Variants in RSRP1 observed in about 807,000 individuals in gnomAD.
RSRP1 encodes the protein arginine and serine rich protein 1, also known as arginine/serine-rich protein 1.
Under a neutral mutation model 33.0 loss-of-function variants are expected in RSRP1, and 37 were observed. The ratio of observed to expected loss-of-function variants is 1.12; its 90% CI spans 0.86 to 1.48. RSRP1 has a LOEUF of 1.48. RSRP1 is among the 40% of genes most tolerant of loss of function. The pLI, the probability that RSRP1 is intolerant of heterozygous loss-of-function variation, is 0.00. For missense variants in RSRP1, 402 were observed against 385.3 expected, an observed-to-expected ratio of 1.04 and a Z score of -0.36; for synonymous variants, 167 against 158.7, an observed-to-expected ratio of 1.05 and a Z score of -0.40.
intron 1 of RSRP1, among the ~76,000 whole-genome samples, chr1:25,289,346 C>T (rs1350825871): frequency 7.9e-6 from 1 of 127,144 alleles, no homozygotes; most frequent in African/African-American, 2.7e-5. Flanking sequence ...AAGCATGCAC[C>T]ACCATGCCCG....
rs558830076 is a variant in RSRP1, at chr1:25,247,024, G to T, written c.-61C>A. 71 of 1,442,722 alleles carry T rather than the reference G, an allele frequency of 4.9e-5. No homozygotes were observed. Among genetic ancestry groups the T allele is most frequent in the Non-Finnish European group, 6.2e-5 (67 of 1,080,236 alleles). The allele number at this position is 1,442,722 out of a possible 1,614,324, so 89.4% of individuals were successfully genotyped here. A position where few individuals can be genotyped will look rare whatever the true frequency, so the allele number is the denominator to read the frequency against. On this transcript the variant is annotated 5_prime_UTR_variant, in exon 2 of 5. Transcript: ENST00000243189. ...AAGGATCCCGCAAGCCTCAACTCAG[G>T]ACTTCCTAAAAAACCAAGAGAGAAA...
Position 25,334,719 on chromosome 1 carries a change from A to G in RSRP1, c.-67+3259T>C, listed in dbSNP as rs1490745841. The stretch of plus-strand genomic sequence containing the variant: ...AAACCCCAGTTCTTGACTTCTGTGC[A>G]CTCGCAGTCTCAACACCACATGGAA... On this transcript the variant is annotated intron_variant, in intron 1 of 1. Coordinates refer to the RSRP1 transcript ENST00000561867. Among the ~76,000 whole-genome samples the G allele has an allele frequency of 2.3e-5, 3 of 132,620 alleles. 1 individual carries two copies. Among genetic ancestry groups the G allele is most frequent in the Non-Finnish European group, 5.4e-5 (3 of 55,948 alleles). 87.0% of individuals were successfully genotyped at this position (132,620 alleles called of 152,430 possible).
intron 1 of RSRP1, among the ~76,000 whole-genome samples, chr1:25,323,515 G>C (rs1644825577): frequency 7.9e-6 from 1 of 127,122 alleles, no homozygotes; most frequent in African/African-American, 2.7e-5. Flanking sequence ...CCGTAATGCA[G>C]TGGCACCATC....
At chr1:25,310,590 A>G (rs1173168817) in intron 1 of RSRP1, among the ~76,000 whole-genome samples, 1 of 131,962 alleles carries the variant, frequency 7.6e-6, no homozygotes, top group Non-Finnish European at 1.8e-5. Flanking sequence ...CAGATTCCTG[A>G]AAATGTGGAA....
chr1:25,247,668 C>G (rs1224551881), upstream of RSRP1: 1 of 152,258 alleles, frequency 6.6e-6, no homozygotes, highest in Non-Finnish European at 1.5e-5. Context: ...TCAGGGTGTC[C>G]CGTTGCCCTT....
chr1:25,334,129 C>A (rs1158540395), intron 1 of RSRP1, among the ~76,000 whole-genome samples: 1 of 131,490 alleles, frequency 7.6e-6, no homozygotes, highest in Admixed American at 7.4e-5. Context: ...AAGTCCTTTC[C>A]ATCTATGAGC....
Position 25,279,961 on chromosome 1 carries a change from C to T in RSRP1, c.-66-32932G>A, listed in dbSNP as rs1641329646. Among the ~76,000 whole-genome samples, 2 of 128,940 alleles carry T rather than the reference C, an allele frequency of 1.6e-5. 1 individual carries two copies. Among genetic ancestry groups the T allele is most frequent in the African/African-American group, 5.4e-5 (2 of 36,898 alleles). The allele number at this position is 128,940 out of a possible 152,430, so 84.6% of individuals were successfully genotyped here. Reference sequence around the variant, plus strand: ...GTGGAGGCTGATACCAGTGAGGATGCTCCAAGCTGGGACCCAGCCCTGAAG... The same window carrying T: ...GTGGAGGCTGATACCAGTGAGGATGTTCCAAGCTGGGACCCAGCCCTGAAG... On this transcript the variant is annotated intron_variant, in intron 1 of 1. Transcript: ENST00000561867.
intron 1 of RSRP1, chr1:25,300,981 G>C (rs1339460795): frequency 7.3e-7 from 1 of 1,374,988 alleles, no homozygotes; most frequent in Admixed American, 1.8e-5. Flanking sequence ...ACATCTACGT[G>C]TTCGCAGCCT....
chr1:25,267,743 A>C (rs918871172), intron 1 of RSRP1: 1 of 132,348 alleles, frequency 7.6e-6, no homozygotes, highest in African/African-American at 2.6e-5. Flanking sequence ...TCGTCACCTC[A>C]ATCAAGACGG....
rs975418282 is a variant in RSRP1, at chr1:25,269,638, C to T, written c.-66-22609G>A. On this transcript the variant is annotated intron_variant, in intron 1 of 1. Transcript: ENST00000561867. ...TGTGCTTTCTGTAGCAGGTGACCTGCCTTGAAGATTTAAAGACAGAATATC... is the reference window on the plus strand; with the variant it reads ...TGTGCTTTCTGTAGCAGGTGACCTGTCTTGAAGATTTAAAGACAGAATATC... Among the ~76,000 whole-genome samples the T allele has an allele frequency of 1.5e-5, 2 of 132,588 alleles. 1 individual carries two copies. Among genetic ancestry groups the T allele is most frequent in the African/African-American group, 5.1e-5 (2 of 38,866 alleles). 87.0% of individuals were successfully genotyped at this position (132,588 alleles called of 152,430 possible).
chr1:25,298,867 C>T (rs200072540), intron 1 of RSRP1, among the ~76,000 whole-genome samples: 2 of 128,466 alleles, frequency 1.6e-5, no homozygotes, highest in Admixed American at 1.5e-4. Context: ...AAAAGAAACA[C>T]GAAAAGTTGG....
At position 25,273,017 on chromosome 1, in the gene RSRP1, C is replaced by T. The variant is rs370438107; in HGVS notation, c.-66-25988G>A. On this transcript the variant is annotated intron_variant, in intron 1 of 1. Coordinates refer to the RSRP1 transcript ENST00000561867. ...TTCTCTGCTTCCCCTTCTCTCTCCTCAGTGGCAAGGAATTTTTTTATTTTT... is the reference window on the plus strand; with the variant it reads ...TTCTCTGCTTCCCCTTCTCTCTCCTTAGTGGCAAGGAATTTTTTTATTTTT... Among the ~76,000 whole-genome samples, 11 of 131,890 alleles carry T rather than the reference C, an allele frequency of 8.3e-5. 3 individuals carry two copies. The highest frequency in any genetic ancestry group is 2.0e-4 in the East Asian group (1 of 5,114). 86.5% of individuals were successfully genotyped at this position (131,890 alleles called of 152,430 possible).
intron 1 of RSRP1, chr1:25,337,349 C>T (rs1283040374): frequency 6.6e-6 from 1 of 151,510 alleles, no homozygotes; most frequent in African/African-American, 2.4e-5. Context: ...CTCGACCCTG[C>T]TCCCTCTCCG....
rs1176844744 is a variant in RSRP1 at position 25,280,125 on chromosome 1, C to T, written c.-66-33096G>A. Reference sequence around the variant, plus strand: ...TGGGGTGCATGAGCTCTGTCAACAGCTCATGGAAACTGCTGCCCTAATTTC... The same window carrying T: ...TGGGGTGCATGAGCTCTGTCAACAGTTCATGGAAACTGCTGCCCTAATTTC... On this transcript the variant is annotated intron_variant, in intron 1 of 1. Coordinates refer to the RSRP1 transcript ENST00000561867. Among the ~76,000 whole-genome samples, 5 of 128,624 alleles carry T rather than the reference C, an allele frequency of 3.9e-5. 1 individual carries two copies. The highest frequency in any genetic ancestry group is 7.5e-5 in the Admixed American group (1 of 13,296). 84.4% of individuals were successfully genotyped at this position (128,624 alleles called of 152,430 possible).
At chr1:25,245,800 A>C (rs1639328412) in intron 2 of RSRP1, among the ~76,000 whole-genome samples, 1 of 152,130 alleles carries the variant, frequency 6.6e-6, no homozygotes, top group Non-Finnish European at 1.5e-5. Context: ...CTTTCTCTTC[A>C]AAGATGTATT....
At position 25,261,698 on chromosome 1, in the gene RSRP1, C is replaced by T. The variant is rs533598645; in HGVS notation, c.-66-14669G>A. ...GGATTACAGGCATGAGCCACCGCGC[C>T]CAGCAGATTTTTTTTTTTTTTTTTT... On this transcript the variant is annotated intron_variant, in intron 1 of 1. Transcript: ENST00000561867. Among the ~76,000 whole-genome samples, 595 of 149,476 alleles carry T rather than the reference C, an allele frequency of 4.0e-3. 2 individuals are homozygous for T. Among genetic ancestry groups the T allele is most frequent in the African/African-American group, 0.014 (574 of 40,564 alleles).
chr1:25,299,153 G>A lies in RSRP1; in HGVS notation c.-67+38825C>T, dbSNP rs1162586751. ...TCCCAGCGCTTTGGGAGGCCAAGGC[G>A]GATGGATCACTTGAGGTCAGGAGTT... On this transcript the variant is annotated intron_variant, in intron 1 of 1. Transcript: ENST00000561867. Among the ~76,000 whole-genome samples, 29 of 127,524 alleles carry A rather than the reference G, an allele frequency of 2.3e-4. 4 individuals are homozygous for A. The highest frequency in any genetic ancestry group is 1.5e-3 in the Admixed American group (20 of 13,170). The allele number at this position is 127,524 out of a possible 152,430, so 83.7% of individuals were successfully genotyped here. A position where few individuals can be genotyped will look rare whatever the true frequency, so the allele number is the denominator to read the frequency against.
Position 25,307,637 on chromosome 1 carries a change from T to A in RSRP1, c.-67+30341A>T, listed in dbSNP as rs1421663119. 1.1e-5 allele frequency: 13 copies of A among 1,135,220 alleles called. 3 individuals are homozygous for A. Among genetic ancestry groups the A allele is most frequent in the Non-Finnish European group, 1.6e-5 (13 of 790,892 alleles). 70.3% of individuals were successfully genotyped at this position (1,135,220 alleles called of 1,614,324 possible). ...AAGAAATGAGATTTAAGAGAAGTTA[T>A]CTGCCCAAGGTCACTCGGCTGGAAC... On this transcript the variant is annotated intron_variant, in intron 1 of 1. Coordinates refer to the RSRP1 transcript ENST00000561867.
At chr1:25,290,176 G>A (rs1177262764) in intron 1 of RSRP1, among the ~76,000 whole-genome samples, 1 of 130,482 alleles carries the variant, frequency 7.7e-6, no homozygotes, top group Non-Finnish European at 1.8e-5. Flanking sequence ...GAGACGGAGA[G>A]AAGGGACAGT....
Sources: gnomAD v4.1 joint callset for allele counts (sites outside exome capture counted in the v4.1 genomes callset) on GRCh38, gnomAD v4.1.1 for gene constraint, MANE v1.5 for transcripts, NCBI Gene and HGNC (gene_info 2026-07-23, HGNC 2026-07-21) for gene names.